The following CRACDL variants were observed in gnomAD, a reference collection of about 807,000 sequenced individuals.
The protein encoded by CRACDL is CRACD-like protein.
CRACDL carries 26 observed loss-of-function variants against 70.6 expected under a neutral mutation model. The ratio of observed to expected loss-of-function variants is 0.37; its 90% CI spans 0.27 to 0.51. The LOEUF (loss-of-function observed/expected upper bound fraction) is 0.51, where lower values mean the gene tolerates loss of function less well. CRACDL is among the 20% of genes least tolerant of loss of function. CRACDL has a pLI of 0.94. For missense variants in CRACDL, 1,283 were observed against 1,376.9 expected, an observed-to-expected ratio of 0.93 and a Z score of 1.08; for synonymous variants, 618 against 615.2, an observed-to-expected ratio of 1.00 and a Z score of -0.07.
At chr2:98,913,511 CAAG>C (rs1708593365) in intron 1 of CRACDL, among the ~76,000 whole-genome samples, 1 of 152,066 alleles carries the variant, frequency 6.6e-6, no homozygotes, top group Non-Finnish European at 1.5e-5. Context: ...GGCTCAGACA[CAAG>C]AAGCACTGTG....
chr2:98,854,653 G>A (rs1289725353), intron 1 of CRACDL, among the ~76,000 whole-genome samples: 3 of 152,080 alleles, frequency 2.0e-5, no homozygotes, highest in African/African-American at 7.2e-5. Flanking sequence ...ACAATCCCCT[G>A]CCTTAAACTT....
At chr2:98,795,195 C>T (rs1703767765) in intron 9 of CRACDL, among the ~76,000 whole-genome samples, 1 of 150,200 alleles carries the variant, frequency 6.7e-6, no homozygotes, top group African/African-American at 2.5e-5. Context: ...CCTGCCTCAG[C>T]CTCCCAAATA....
chr2:98,826,061 T>C (rs1243323607), intron 6 of CRACDL, among the ~76,000 whole-genome samples: 7 of 152,036 alleles, frequency 4.6e-5, no homozygotes, highest in Admixed American at 2.6e-4. Context: ...TGGTCCCCAC[T>C]CCAGGGGGGA....
At chr2:98,901,443 G>A (rs1708278194) in intron 1 of CRACDL, among the ~76,000 whole-genome samples, 1 of 152,176 alleles carries the variant, frequency 6.6e-6, no homozygotes, top group African/African-American at 2.4e-5. Flanking sequence ...CCCATCCAGA[G>A]CTCAGAGCCC....
Position 98,804,915 on chromosome 2 carries a change from C to T in CRACDL, c.2417-7378G>A, listed in dbSNP as rs527804334. ...TACTTGCTAAGTTAGCTTGCAGTGA[C>T]TTCTCAGAGCATAACTTCCTTAGAC... On this transcript the variant is annotated intron_variant, in intron 7 of 9. Transcript: ENST00000397899. Among the ~76,000 whole-genome samples, 8 of 152,352 alleles carry T rather than the reference C, an allele frequency of 5.3e-5. No homozygotes were observed. The South Asian group carries it at 1.7e-3, about 32-fold the overall frequency.
At chr2:98,839,876 GA>G (rs1416372538) in intron 2 of CRACDL, among the ~76,000 whole-genome samples, 3 of 152,044 alleles carry the variant, frequency 2.0e-5, no homozygotes, top group Non-Finnish European at 4.4e-5. Flanking sequence ...TTCTCACCCT[GA>G]TATTAATTAT....
chr2:98,927,524 G>C (rs1037938864), intron 1 of CRACDL, among the ~76,000 whole-genome samples: 1 of 151,372 alleles, frequency 6.6e-6, no homozygotes, highest in African/African-American at 2.4e-5. Flanking sequence ...AAAACTTGGT[G>C]TGAAAAAATT....
At chr2:98,846,363 G>C (rs927160032) in intron 2 of CRACDL, among the ~76,000 whole-genome samples, 1 of 152,114 alleles carries the variant, frequency 6.6e-6, no homozygotes, top group Non-Finnish European at 1.5e-5. Flanking sequence ...AGGCTATCAG[G>C]TACTTTGCTC....
At chr2:98,821,074 T>C (rs1297057458) in intron 7 of CRACDL, among the ~76,000 whole-genome samples, 1 of 152,272 alleles carries the variant, frequency 6.6e-6, no homozygotes, top group African/African-American at 2.4e-5. Context: ...CTGAGAGTCC[T>C]ATCAAAATCA....
rs116134581 is a variant in CRACDL at position 98,825,798 on chromosome 2, G to T, written c.735+1177C>A. Among the ~76,000 whole-genome samples, 1,390 of 152,272 alleles carry T rather than the reference G, an allele frequency of 9.1e-3. 18 individuals are homozygous for T. The highest frequency in any genetic ancestry group is 0.031 in the African/African-American group (1,297 of 41,532). On this transcript the variant is annotated intron_variant, in intron 6 of 9. Coordinates refer to ENST00000397899, the MANE Select transcript of CRACDL (RefSeq NM_207362.3). The stretch of plus-strand genomic sequence containing the variant: ...TAACTCACCTTTGCTTCTTCCTCCA[G>T]CATTAGTCCCCTCAAAAGTCTACTC...
chr2:98,884,086 C>T (rs1222976179), intron 1 of CRACDL, among the ~76,000 whole-genome samples: 3 of 152,316 alleles, frequency 2.0e-5, no homozygotes, highest in Non-Finnish European at 2.9e-5. Flanking sequence ...ACAGGTGCCC[C>T]ACCCACCTGG....
intron 1 of CRACDL, among the ~76,000 whole-genome samples, chr2:98,904,979 G>A (rs957706153): frequency 2.4e-4 from 36 of 151,398 alleles, no homozygotes; most frequent in Admixed American, 4.6e-4. Context: ...GGCCGGGCGC[G>A]GTGGCTCAAG....
intron 5 of CRACDL, among the ~76,000 whole-genome samples, chr2:98,829,955 A>C (rs1281464754): frequency 6.6e-6 from 1 of 152,238 alleles, no homozygotes; most frequent in East Asian, 1.9e-4. Flanking sequence ...CTCTCAGGAC[A>C]CAGATTCTAA....
intron 1 of CRACDL, among the ~76,000 whole-genome samples, chr2:98,903,956 C>A (rs566652561): frequency 1.3e-5 from 2 of 152,342 alleles, no homozygotes; most frequent in South Asian, 4.1e-4. Context: ...TGATCTCTGG[C>A]ATGTCCCCTA....
chr2:98,878,478 T>C (rs1707547486), intron 1 of CRACDL, among the ~76,000 whole-genome samples: 3 of 152,236 alleles, frequency 2.0e-5, no homozygotes, highest in South Asian at 2.1e-4. Flanking sequence ...GGCTATACCA[T>C]CTAGGTTTGC....
rs1346857639 is a variant in CRACDL at position 98,896,982 on chromosome 2, G to A, written c.-11+38956C>T. On this transcript the variant is annotated intron_variant, in intron 1 of 9. Transcript: ENST00000397899. Reference sequence around the variant, plus strand: ...TTTCTAAAGGATAGCACCATAAATCGGCCTTGGGTTTGACATACAAGCCCA... The same window carrying A: ...TTTCTAAAGGATAGCACCATAAATCAGCCTTGGGTTTGACATACAAGCCCA... Among the ~76,000 whole-genome samples, 5 of 152,002 alleles carry A rather than the reference G, an allele frequency of 3.3e-5. No individual in the cohort carries two copies. The South Asian group carries it at 6.2e-4, about 19-fold the overall frequency.
intron 1 of CRACDL, among the ~76,000 whole-genome samples, chr2:98,919,523 CTACT>C (rs1346164103): frequency 6.6e-6 from 1 of 152,118 alleles, no homozygotes; most frequent in Non-Finnish European, 1.5e-5. Flanking sequence ...CATCCCTTAA[CTACT>C]TACTTACCTA....
chr2:98,906,650 C>T (rs1313305035), intron 1 of CRACDL, among the ~76,000 whole-genome samples: 3 of 152,242 alleles, frequency 2.0e-5, no homozygotes, highest in Non-Finnish European at 4.4e-5. Context: ...CACTTCTCTG[C>T]TGAAATTCCT....
intron 1 of CRACDL, among the ~76,000 whole-genome samples, chr2:98,891,058 T>A (rs1458230649): frequency 6.7e-6 from 1 of 149,538 alleles, no homozygotes; most frequent in East Asian, 2.0e-4. Context: ...ATCTCAAAAA[T>A]AAATAAATAA....
Sources: gnomAD v4.1 joint callset for allele counts (sites outside exome capture counted in the v4.1 genomes callset) on GRCh38, gnomAD v4.1.1 for gene constraint, MANE v1.5 for transcripts, NCBI Gene and HGNC (gene_info 2026-07-23, HGNC 2026-07-21) for gene names.